TMEM108: variants seen among roughly 807,000 people sequenced by gnomAD.
The protein encoded by TMEM108 is cancer/testis antigen 124.
Under a neutral mutation model 35.1 loss-of-function variants are expected in TMEM108, and 12 were observed. The ratio of observed to expected loss-of-function variants is 0.34; its 90% confidence interval spans 0.22 to 0.55. The LOEUF is 0.55. TMEM108 is among the 20% of genes least tolerant of loss of function. The probability of loss-of-function intolerance (pLI) is 0.89; values close to 1 mark genes in which losing one functional copy is unlikely to be tolerated. For missense variants in TMEM108, 680 were observed against 753.3 expected (o/e 0.90, Z 1.14); for synonymous variants, 287 against 308.6 (o/e 0.93, Z 0.73).
rs2073185299 is a variant in TMEM108, at chr3:133,388,334, G to T, written c.1451-1846G>T. ...TCCCAGCTCTGCCACTCACATACCT[G>T]TGACCTGTGGCAAGGCGGCCAGCAC... On this transcript the variant is annotated intron_variant, in intron 4 of 5. Transcript: ENST00000321871. 4.1e-6 allele frequency: 4 copies of T among 983,758 alleles called. No homozygotes were observed. The African/African-American group carries it at 7.0e-5, about 17-fold the overall frequency. The allele number at this position is 983,758 out of a possible 1,614,324, so 60.9% of individuals were successfully genotyped here.
intron 3 of TMEM108, among the ~76,000 whole-genome samples, chr3:133,270,909 C>T (rs1946762755): frequency 6.6e-6 from 1 of 152,106 alleles, no homozygotes; most frequent in Admixed American, 6.6e-5. Flanking sequence ...ATAATCTCAG[C>T]CCTCACTCAC....
chr3:133,372,271 G>A (rs1056851409), intron 3 of TMEM108, among the ~76,000 whole-genome samples: 3 of 152,084 alleles, frequency 2.0e-5, no homozygotes, highest in African/African-American at 7.2e-5. Context: ...GATTTCTTGG[G>A]CAGTCAGGAT....
At chr3:133,141,085 AT>A (rs1170950944) in intron 2 of TMEM108, among the ~76,000 whole-genome samples, 1 of 152,226 alleles carries the variant, frequency 6.6e-6, no homozygotes, top group Non-Finnish European at 1.5e-5. Flanking sequence ...AATTATTAAA[AT>A]AAAGGTTAAA....
At chr3:133,109,741 T>A (rs755587570) in intron 2 of TMEM108, among the ~76,000 whole-genome samples, 3 of 152,008 alleles carry the variant, frequency 2.0e-5, no homozygotes, top group Admixed American at 6.6e-5. Context: ...GCGTTGACAG[T>A]GAGTAAGTAA....
chr3:133,155,741 A>G (rs1944871756), intron 2 of TMEM108, among the ~76,000 whole-genome samples: 1 of 152,110 alleles, frequency 6.6e-6, no homozygotes, highest in Admixed American at 6.6e-5. Context: ...GATTCTGGAT[A>G]TTAGACCTTT....
At chr3:133,337,014 T>C (rs2071520104) in intron 3 of TMEM108, among the ~76,000 whole-genome samples, 1 of 152,056 alleles carries the variant, frequency 6.6e-6, no homozygotes, top group African/African-American at 2.4e-5. Flanking sequence ...ATGGTTTGAG[T>C]GCCAGCTCAG....
chr3:133,206,400 A>C (rs1053031829), intron 2 of TMEM108, among the ~76,000 whole-genome samples: 2 of 152,210 alleles, frequency 1.3e-5, no homozygotes, highest in African/African-American at 4.8e-5. Flanking sequence ...TGGAATTTTC[A>C]GCCTTTTTGG....
At position 133,188,764 on chromosome 3, in the gene TMEM108, A is replaced by G. The variant is rs548180604; in HGVS notation, c.-46-40502A>G. Among the ~76,000 whole-genome samples the G allele has an allele frequency of 4.6e-5, 7 of 152,356 alleles. 1 individual carries two copies. The highest frequency in any genetic ancestry group is 1.2e-4 in the African/African-American group (5 of 41,580). On this transcript the variant is annotated intron_variant, in intron 2 of 5. Transcript: ENST00000321871. The stretch of plus-strand genomic sequence containing the variant: ...AAAGCCAAAATCTCAGTGGTTTGAC[A>G]TAATAAAAATTTATTTATTGTTAAC...
chr3:133,319,210 G>A (rs2071235192), intron 3 of TMEM108, among the ~76,000 whole-genome samples: 1 of 152,108 alleles, frequency 6.6e-6, no homozygotes, highest in Non-Finnish European at 1.5e-5. Flanking sequence ...GTCTGAGCTG[G>A]GTCCTGCCTA....
chr3:133,116,483 G>A (rs1944289231), intron 2 of TMEM108, among the ~76,000 whole-genome samples: 1 of 151,984 alleles, frequency 6.6e-6, no homozygotes, highest in Admixed American at 6.6e-5. Flanking sequence ...AAGACTTCTT[G>A]TATTTTATTT....
At position 133,395,906 on chromosome 3, in the gene TMEM108, A is replaced by G; in HGVS notation, c.1648A>G (p.Arg550Gly). 6.2e-7 allele frequency: 1 copy of G among 1,607,272 alleles called. No individual in the cohort carries two copies. Among genetic ancestry groups the G allele is most frequent in the East Asian group, 2.3e-5 (1 of 44,234 alleles). Residue 550 changes from arginine to glycine, a missense_variant, in exon 6 of 6, where the codon AGA (arginine) becomes GGA (glycine). This residue lies in a region of TMEM108 where 105 missense variants were observed against 150.7 expected (regional missense o/e 0.70). Transcript: ENST00000321871. ...EPRSPANGDYRDTGMVLVNPF... is the reference protein window; with the variant it reads ...EPRSPANGDYGDTGMVLVNPF... ...CCGCTCCCCAGCCAATGGCGACTAT[A>G]GAGACACTGGGATGGTCCTTGTTAA...
At chr3:133,321,743 C>T (rs956563562) in intron 3 of TMEM108, among the ~76,000 whole-genome samples, 1 of 152,146 alleles carries the variant, frequency 6.6e-6, no homozygotes, top group Non-Finnish European at 1.5e-5. Flanking sequence ...TTCATCATCA[C>T]ATGGAACATT....
chr3:133,184,838 G>C (rs1278219351), intron 2 of TMEM108, among the ~76,000 whole-genome samples: 1 of 152,174 alleles, frequency 6.6e-6, no homozygotes, highest in Non-Finnish European at 1.5e-5. Flanking sequence ...AGTTAATTCA[G>C]CAAGACAGTT....
intron 2 of TMEM108, among the ~76,000 whole-genome samples, chr3:133,203,728 T>C (rs1239125133): frequency 6.6e-6 from 1 of 152,224 alleles, no homozygotes; most frequent in Admixed American, 6.5e-5. Flanking sequence ...CGCGTTGACC[T>C]TCATCAGGGA....
intron 3 of TMEM108, among the ~76,000 whole-genome samples, chr3:133,245,802 C>T (rs1308689883): frequency 6.6e-6 from 1 of 152,060 alleles, no homozygotes. Flanking sequence ...ACACAAGGCA[C>T]ATATGTAATT....
At chr3:133,209,382 T>C (rs1387888644) in intron 2 of TMEM108, among the ~76,000 whole-genome samples, 2 of 152,178 alleles carry the variant, frequency 1.3e-5, no homozygotes, top group South Asian at 2.1e-4. Context: ...TGATATACCT[T>C]GTCTAATACA....
chr3:133,158,752 C>A (rs926356634), intron 2 of TMEM108, among the ~76,000 whole-genome samples: 2 of 152,124 alleles, frequency 1.3e-5, no homozygotes, highest in African/African-American at 2.4e-5. Context: ...AACTCAGCAT[C>A]TCAAGGATGA....
intron 2 of TMEM108, among the ~76,000 whole-genome samples, chr3:133,101,209 C>T (rs1944083013): frequency 6.6e-6 from 1 of 152,142 alleles, no homozygotes; most frequent in Non-Finnish European, 1.5e-5. Flanking sequence ...TGGGTGAAAG[C>T]TCCTGATAGT....
rs201724989 is a variant in TMEM108, at chr3:133,380,678, G to A, written c.967G>A (p.Gly323Ser). The A allele has an allele frequency of 1.0e-4, 162 of 1,614,066 alleles. No homozygotes were observed. In the East Asian group the frequency reaches 2.7e-3, roughly 27 times the overall value. Residue 323 changes from glycine to serine, a missense_variant, in exon 4 of 6, where the codon GGT (glycine) becomes AGT (serine). Coordinates refer to ENST00000321871, the MANE Select transcript of TMEM108 (RefSeq NM_023943.4). The surrounding 1 kb of genome is among the most constrained non-coding windows in gnomAD (Gnocchi z 5.3). Reference protein sequence around the residue: ...APVPSQRPHHGDPQDGPSHSD... With the variant: ...APVPSQRPHHSDPQDGPSHSD... ...AGTGCCTTCTCAGCGCCCCCACCAC[G>A]GTGACCCACAGGATGGCCCCAGCCA... is the stretch of plus-strand genomic sequence containing the variant.
Sources: allele counts gnomAD v4.1 joint callset (sites outside exome capture counted in the v4.1 genomes callset), GRCh38; gene constraint gnomAD v4.1.1; regional missense constraint gnomAD v4.1.1; non-coding constraint Gnocchi (gnomAD v3.1); transcripts MANE v1.5; gene names NCBI Gene and HGNC (gene_info 2026-07-23, HGNC 2026-07-21).